USP9X: variants seen among roughly 807,000 people sequenced by gnomAD.
USP9X encodes ubiquitin specific peptidase 9 X-linked.
USP9X carries 7 observed loss-of-function variants against 190.3 expected under a neutral mutation model. That is an observed-to-expected ratio of 0.04 (90% CI 0.02 to 0.07). The LOEUF is 0.07. Among genes scored for constraint, USP9X ranks in the 10% least tolerant of loss-of-function variants. The pLI, the probability that USP9X is intolerant of heterozygous loss-of-function variation, is 1.00. For synonymous variants in USP9X, 645 were observed against 659.5 expected, an observed-to-expected ratio of 0.98 and a Z score of 0.34; for missense variants, 1,010 against 1,916.9, an observed-to-expected ratio of 0.53 and a Z score of 8.83.
intron 14 of USP9X, among the ~76,000 whole-genome samples, chrX:41,157,522 G>C (rs1327651533): frequency 9.0e-6 from 1 of 111,035 alleles, no homozygotes; most frequent in African/African-American, 3.3e-5. Context: ...GTCGGAAGCT[G>C]TGCACTGTGA....
chrX:41,123,795 C>T, intron 2 of USP9X, 71 bp downstream of exon 2: 4 of 1,029,827 alleles, frequency 3.9e-6, no homozygotes, highest in Non-Finnish European at 5.3e-6. Context: ...GTAATCGCAG[C>T]ACTTTGGGAG....
At chrX:41,144,727 C>T (rs918564591) in intron 11 of USP9X, 101 bp downstream of exon 11, 19 of 656,998 alleles carry the variant, frequency 2.9e-5, no homozygotes, top group Non-Finnish European at 4.1e-5. Context: ...AAATAGAAAT[C>T]CCATTAAACA....
intron 1 of USP9X, among the ~76,000 whole-genome samples, chrX:41,105,505 T>G: frequency 8.9e-6 from 1 of 112,411 alleles, no homozygotes; most frequent in South Asian, 3.7e-4. Flanking sequence ...AGCTGGATTA[T>G]TTTCCATTGT....
At chrX:41,118,685 G>A (rs73203644) in intron 1 of USP9X, among the ~76,000 whole-genome samples, 2,599 of 110,524 alleles carry the variant, frequency 0.024, 35 homozygotes, top group Middle Eastern at 0.037. Flanking sequence ...ATTTATTTTC[G>A]GGAAAAAAAA....
intron 23 of USP9X, 36 bp from the exon 24 acceptor site, chrX:41,186,481 T>C (rs748732025): frequency 3.8e-5 from 46 of 1,205,639 alleles, no homozygotes; most frequent in Non-Finnish European, 5.2e-5. Flanking sequence ...TATGTACAAA[T>C]TATTTACTCC....
chrX:41,201,317 A>G, intron 31 of USP9X, 37 bp downstream of exon 31: 1 of 1,087,947 alleles, frequency 9.2e-7, no homozygotes, highest in Non-Finnish European at 1.3e-6. Flanking sequence ...TCTGTGTTTC[A>G]AGTTATGATA....
chrX:41,166,433 A>T (rs755415144), intron 16 of USP9X, among the ~76,000 whole-genome samples: 1 of 111,186 alleles, frequency 9.0e-6, no homozygotes, highest in African/African-American at 3.3e-5. Flanking sequence ...CTTTTGTCTT[A>T]GCTTAGTATC....
At chrX:41,225,784 T>C (rs1432484755) in intron 41 of USP9X, among the ~76,000 whole-genome samples, 1 of 112,987 alleles carries the variant, frequency 8.9e-6, no homozygotes, top group African/African-American at 3.2e-5. Context: ...GCTCTGTAAC[T>C]TAAGCCTGAA....
intron 15 of USP9X, among the ~76,000 whole-genome samples, 161 bp downstream of exon 15, chrX:41,163,038 C>G (rs1025476883): frequency 8.9e-6 from 1 of 112,240 alleles, no homozygotes; most frequent in African/African-American, 3.2e-5. Context: ...TAAAATGATT[C>G]GCTGAGTTTT....
At chrX:41,161,842 G>T (rs2062636081) in intron 14 of USP9X, among the ~76,000 whole-genome samples, 1 of 106,570 alleles carries the variant, frequency 9.4e-6, no homozygotes, top group African/African-American at 3.4e-5. Context: ...CCTGGGTTGG[G>T]CTTCCCAAAT....
intron 28 of USP9X, among the ~76,000 whole-genome samples, 176 bp downstream of exon 28, chrX:41,196,914 A>G (rs993148187): frequency 2.7e-5 from 3 of 112,468 alleles, no homozygotes; most frequent in African/African-American, 9.7e-5. Flanking sequence ...CACAAAATGC[A>G]TATCTAGTTT....
rs772793789 is a variant in USP9X at position 41,215,532 on chromosome X, C to T, written c.5332-367C>T. On this transcript the variant is annotated intron_variant, in intron 34 of 44. Coordinates refer to ENST00000378308, the MANE Select transcript of USP9X (RefSeq NM_001039591.3). ...AGGATTCGGTATGTTTTTACTTGTG[C>T]GGCACTTAGTATATATTACCTGGCA... Among the ~76,000 whole-genome samples the T allele has an allele frequency of 8.9e-5, 10 of 112,472 alleles. No individual in the cohort carries two copies. In the East Asian group the frequency reaches 1.9e-3, roughly 22 times the overall value.
At chrX:41,193,751 C>G (rs1256528596) in intron 26 of USP9X, among the ~76,000 whole-genome samples, 5 of 110,918 alleles carry the variant, frequency 4.5e-5, no homozygotes, top group Non-Finnish European at 9.4e-5. Context: ...TTGCTTGAAC[C>G]CAAGAGTTTG....
chrX:41,099,112 TTTTTTTTTTTA>T (rs1391666127), intron 1 of USP9X, among the ~76,000 whole-genome samples: 3 of 90,834 alleles, frequency 3.3e-5, no homozygotes, highest in South Asian at 1.1e-3. Context: ...TTTTTTTTTT[TTTTTTTTTTTA>T]AACAGAGATG....
intron 4 of USP9X, among the ~76,000 whole-genome samples, chrX:41,132,729 G>A (rs890814087): frequency 2.8e-5 from 3 of 107,006 alleles, no homozygotes; most frequent in Admixed American, 2.0e-4. Flanking sequence ...GATTGCAGGC[G>A]TGAGCTACTG....
chrX:41,153,209 A>G, intron 14 of USP9X, 128 bp downstream of exon 14: 3 of 666,534 alleles, frequency 4.5e-6, no homozygotes, highest in South Asian at 8.7e-5. Context: ...ACTCTTAGAC[A>G]TCCTAAACTC....
intron 32 of USP9X, among the ~76,000 whole-genome samples, chrX:41,207,360 C>T (rs1013413507): frequency 3.6e-5 from 4 of 111,257 alleles, no homozygotes; most frequent in Non-Finnish European, 7.5e-5. Flanking sequence ...GCTGGGATTA[C>T]AGGCGTGAGC....
chrX:41,195,260 C>T (rs897233094), intron 26 of USP9X, among the ~76,000 whole-genome samples: 3 of 110,830 alleles, frequency 2.7e-5, no homozygotes, highest in Middle Eastern at 4.7e-3. Context: ...TGGTCTTGAC[C>T]TCTTGACCTC....
intron 34 of USP9X, 144 bp downstream of exon 34, chrX:41,214,853 A>T: frequency 1.6e-6 from 1 of 610,031 alleles, no homozygotes; most frequent in Non-Finnish European, 2.4e-6. Flanking sequence ...AGTCAATATG[A>T]TAACTAATAG....
Sources: gnomAD v4.1 joint callset for allele counts (sites outside exome capture counted in the v4.1 genomes callset) on GRCh38, gnomAD v4.1.1 for gene constraint, MANE v1.5 for transcripts, NCBI Gene and HGNC (gene_info 2026-07-23, HGNC 2026-07-21) for gene names.